Variants in COL5A2 observed in about 807,000 individuals in gnomAD.
COL5A2 encodes the protein collagen alpha-2(V) chain.
A neutral mutation model predicts 208.2 loss-of-function variants in COL5A2; 23 were observed. The observed-to-expected ratio is 0.11, with a 90% confidence interval of 0.08 to 0.16. COL5A2 has a LOEUF of 0.16. Among genes scored for constraint, COL5A2 ranks in the 10% least tolerant of loss-of-function variants. COL5A2 has a pLI of 1.00. For missense variants in COL5A2, 1,590 were observed against 1,956.4 expected (o/e 0.81, Z 3.53); for synonymous variants, 625 against 628.5 (o/e 0.99, Z 0.08).
chr2:189,292,101 A>G, the COL5A2 span, among the ~76,000 whole-genome samples: 1 of 152,204 alleles, frequency 6.6e-6, no homozygotes, highest in Non-Finnish European at 1.5e-5. Flanking sequence ...ACTCCAACCC[A>G]AGAAACTCCA....
chr2:189,164,175 G>A (rs1688422382), intron 1 of COL5A2, among the ~76,000 whole-genome samples: 1 of 152,122 alleles, frequency 6.6e-6, no homozygotes, highest in Non-Finnish European at 1.5e-5. Flanking sequence ...CTGACCCAGA[G>A]AAAAGGGATA....
chr2:189,242,337 G>T, the COL5A2 span, among the ~76,000 whole-genome samples: 14 of 152,278 alleles, frequency 9.2e-5, no homozygotes, highest in African/African-American at 3.4e-4. Flanking sequence ...CTGTATGGTA[G>T]GTACTGTTAT....
In COL5A2 at chr2:189,179,530, T is replaced by C. The variant is rs549894501; in HGVS notation, c.75A>G (p.Lys25=). Residue 25 remains lysine, a synonymous_variant, in exon 1 of 54, where the codon AAA becomes AAG. Coordinates refer to ENST00000374866, the MANE Select transcript of COL5A2 (RefSeq NM_000393.5). The part of the protein sequence containing the change: ...IVLLGQFVSI[K]AQEEDEDEGY... ...CACCATCCTCGTCTTCTTCCTGGGCTTTTATTGAGACAAATTGCCCTAATA... is the reference window on the plus strand; with the variant it reads ...CACCATCCTCGTCTTCTTCCTGGGCCTTTATTGAGACAAATTGCCCTAATA... 3.1e-4 allele frequency: 507 copies of C among 1,611,962 alleles called. No homozygotes were observed. The Middle Eastern group carries it at 4.3e-3, about 14-fold the overall frequency.
the COL5A2 span, among the ~76,000 whole-genome samples, chr2:189,349,258 C>T: frequency 1.3e-5 from 2 of 152,066 alleles, no homozygotes; most frequent in Admixed American, 6.6e-5. Context: ...GGGGAGGAGT[C>T]TCAGGGCAAA....
At chr2:189,414,566 C>T in the COL5A2 span, among the ~76,000 whole-genome samples, 8 of 151,830 alleles carry the variant, frequency 5.3e-5, no homozygotes, top group East Asian at 2.0e-4. Flanking sequence ...CTGGCCAACA[C>T]GGCAAAACCC....
At chr2:189,389,813 C>T in the COL5A2 span, among the ~76,000 whole-genome samples, 4 of 152,124 alleles carry the variant, frequency 2.6e-5, no homozygotes, top group African/African-American at 9.7e-5. Context: ...AAGATCACTG[C>T]AATGGACAAT....
the COL5A2 span, among the ~76,000 whole-genome samples, chr2:189,281,221 C>T: frequency 6.6e-6 from 1 of 152,050 alleles, no homozygotes; most frequent in Non-Finnish European, 1.5e-5. Context: ...AAGTGCAATG[C>T]TCCCTGCAAT....
chr2:189,425,660 T>G, the COL5A2 span, among the ~76,000 whole-genome samples: 2 of 152,168 alleles, frequency 1.3e-5, no homozygotes, highest in Admixed American at 6.5e-5. Flanking sequence ...TATGTTGAAA[T>G]GTAATCCCCA....
At chr2:189,377,839 G>GAACC in the COL5A2 span, among the ~76,000 whole-genome samples, 25 of 152,180 alleles carry the variant, frequency 1.6e-4, no homozygotes, top group African/African-American at 6.0e-4. Flanking sequence ...TTCTCCTTGC[G>GAACC]AACCAATTAT....
intron 1 of COL5A2, among the ~76,000 whole-genome samples, chr2:189,155,744 A>G (rs1420794076): frequency 4.6e-5 from 7 of 152,236 alleles, no homozygotes; most frequent in African/African-American, 1.4e-4. Flanking sequence ...AAACTAGCAC[A>G]AACCTCGTGA....
chr2:189,181,264 C>T (rs148203345), upstream of COL5A2, among the ~76,000 whole-genome samples: 18 of 152,182 alleles, frequency 1.2e-4, no homozygotes, highest in South Asian at 1.2e-3. Context: ...TCAATTTTCC[C>T]GGTTGTTTCC....
At chr2:189,283,529 G>A in the COL5A2 span, among the ~76,000 whole-genome samples, 8 of 151,728 alleles carry the variant, frequency 5.3e-5, no homozygotes, top group East Asian at 1.9e-4. Flanking sequence ...CAAAAACAGG[G>A]AAAATCTGAG....
chr2:189,085,116 C>T lies in COL5A2; in HGVS notation c.798+44G>A, dbSNP rs751282889. ...ATTCTTGTTAACATTTTAACCCCTT[C>T]GCCTCTTCAAAACCTGAATGGAAAA... On this transcript the variant is annotated intron_variant, in intron 11 of 53. Coordinates refer to ENST00000374866, the MANE Select transcript of COL5A2 (RefSeq NM_000393.5). 2.3e-5 allele frequency: 34 copies of T among 1,494,234 alleles called. No individual in the cohort carries two copies. In the Middle Eastern group the frequency reaches 5.1e-4, roughly 22 times the overall value. 92.6% of individuals were successfully genotyped at this position (1,494,234 alleles called of 1,614,324 possible).
At chr2:189,135,009 A>G (rs1000342306) in intron 1 of COL5A2, among the ~76,000 whole-genome samples, 3 of 152,214 alleles carry the variant, frequency 2.0e-5, no homozygotes, top group African/African-American at 7.2e-5. Context: ...GATAGTATTC[A>G]TATCTCCAGC....
upstream of COL5A2, among the ~76,000 whole-genome samples, chr2:189,181,764 G>C (rs1408860629): frequency 6.6e-6 from 1 of 152,112 alleles, no homozygotes; most frequent in African/African-American, 2.4e-5. Context: ...TGGCTGCTCA[G>C]ATCAGTAGTT....
chr2:189,195,514 C>G (rs1387220291), intron 1 of COL5A2, among the ~76,000 whole-genome samples: 1 of 152,104 alleles, frequency 6.6e-6, no homozygotes, highest in Non-Finnish European at 1.5e-5. Flanking sequence ...CAAGACAATC[C>G]TAAGCAAAAA....
intron 7 of COL5A2, among the ~76,000 whole-genome samples, chr2:189,090,694 A>C (rs1686766153): frequency 6.6e-6 from 1 of 152,216 alleles, no homozygotes. Flanking sequence ...TAGCATCCTT[A>C]GGAATTATGA....
chr2:189,045,218 A>C lies in COL5A2; in HGVS notation c.3324T>G (p.Pro1108=). Residue 1108 remains proline, a synonymous_variant, in exon 47 of 54, where the codon CCT becomes CCG. Transcript: ENST00000374866. ...GQRGDPGSRG[P]IGPPGRAGKR... The stretch of plus-strand genomic sequence containing the variant: ...TCCCAGCTCGACCAGGTGGTCCTAT[A>C]GGACCCCGAGAACCCTAAAAGAAAT... 6.2e-7 allele frequency: 1 copy of C among 1,609,064 alleles called. No individual in the cohort carries two copies. The highest frequency in any genetic ancestry group is 1.1e-5 in the South Asian group (1 of 90,366).
At chr2:189,414,988 C>G in the COL5A2 span, among the ~76,000 whole-genome samples, 5 of 152,004 alleles carry the variant, frequency 3.3e-5, no homozygotes, top group African/African-American at 1.2e-4. Context: ...GAATGATATT[C>G]CAAACTTCTA....
Sources: allele counts gnomAD v4.1 joint callset (sites outside exome capture counted in the v4.1 genomes callset), GRCh38; gene constraint gnomAD v4.1.1; transcripts MANE v1.5; gene names NCBI Gene and HGNC (gene_info 2026-07-23, HGNC 2026-07-21).